Variants in CSMD1 observed in about 807,000 individuals in gnomAD.
The protein encoded by CSMD1 is CUB and Sushi multiple domains 1, also known as CUB and sushi domain-containing protein 1.
CSMD1 carries 213 observed loss-of-function variants against 417.5 expected under a neutral mutation model. The ratio of observed to expected loss-of-function variants is 0.51; its 90% CI spans 0.46 to 0.57. The LOEUF (loss-of-function observed/expected upper bound fraction) is 0.57. Among genes scored for constraint, CSMD1 ranks in the 20% least tolerant of loss-of-function variants. The pLI is 0.00. For missense variants in CSMD1, 6,923 were observed against 4,529.7 expected, an observed-to-expected ratio of 1.53 and a Z score of -15.17; for synonymous variants, 2,862 against 1,736.8, an observed-to-expected ratio of 1.65 and a Z score of -16.11.
chr8:3,402,926 A>C (rs548560243), intron 15 of CSMD1, among the ~76,000 whole-genome samples: 77 of 152,176 alleles, frequency 5.1e-4, no homozygotes, highest in African/African-American at 1.8e-3. Flanking sequence ...TTTTCCTTGA[A>C]ACACAGGTTT....
intron 1 of CSMD1, among the ~76,000 whole-genome samples, chr8:4,642,972 G>A (rs973795226): frequency 3.3e-5 from 5 of 152,236 alleles, no homozygotes; most frequent in African/African-American, 9.6e-5. Flanking sequence ...TTTGAGAAAT[G>A]ATGGACAGGA....
chr8:4,269,940 T>G (rs1804472817), intron 3 of CSMD1, among the ~76,000 whole-genome samples: 1 of 152,120 alleles, frequency 6.6e-6, no homozygotes, highest in Non-Finnish European at 1.5e-5. Flanking sequence ...AGCCAACAGT[T>G]GGGGGAAACC....
intron 1 of CSMD1, among the ~76,000 whole-genome samples, chr8:4,947,154 C>T (rs950749896): frequency 1.3e-5 from 2 of 152,202 alleles, no homozygotes; most frequent in East Asian, 1.9e-4. Context: ...AACACAAATT[C>T]ACAACAAAAT....
intron 2 of CSMD1, among the ~76,000 whole-genome samples, chr8:4,478,064 A>T (rs1800897236): frequency 6.6e-6 from 1 of 152,140 alleles, no homozygotes; most frequent in Non-Finnish European, 1.5e-5. Flanking sequence ...CCCGAGTTAA[A>T]ACTGATTTTA....
intron 3 of CSMD1, among the ~76,000 whole-genome samples, chr8:4,316,365 C>T (rs10089891): frequency 0.68 from 103,610 of 151,980 alleles, 39,227 homozygotes; most frequent in East Asian, 0.98. Flanking sequence ...GTCTTATACT[C>T]TGGGCTGCCA....
intron 10 of CSMD1, among the ~76,000 whole-genome samples, chr8:3,556,330 C>T (rs761325099): frequency 6.8e-6 from 1 of 146,654 alleles, no homozygotes; most frequent in Non-Finnish European, 1.5e-5. Context: ...CTACTATGTC[C>T]ATGAGTTCAA....
intron 2 of CSMD1, among the ~76,000 whole-genome samples, chr8:4,450,733 G>C (rs1028897869): frequency 6.6e-6 from 1 of 152,162 alleles, no homozygotes. Context: ...ACATTTAACA[G>C]AATAGCAACA....
chr8:3,246,313 T>A (rs921890264), intron 26 of CSMD1, among the ~76,000 whole-genome samples: 4 of 152,064 alleles, frequency 2.6e-5, no homozygotes, highest in African/African-American at 9.7e-5. Flanking sequence ...GGCTACACGG[T>A]TCCCTGAAAT....
At chr8:4,451,900 T>C (rs1360805315) in intron 2 of CSMD1, among the ~76,000 whole-genome samples, 1 of 151,010 alleles carries the variant, frequency 6.6e-6, no homozygotes, top group Non-Finnish European at 1.5e-5. Context: ...TCTTCCACAC[T>C]AAAATGATAC....
chr8:3,975,907 G>C (rs1010636014), intron 5 of CSMD1, among the ~76,000 whole-genome samples: 3 of 152,002 alleles, frequency 2.0e-5, no homozygotes, highest in Admixed American at 1.3e-4. Flanking sequence ...ATGAGTGAAT[G>C]TATTAGTTTC....
At chr8:4,249,929 G>A (rs536224877) in intron 3 of CSMD1, among the ~76,000 whole-genome samples, 111 of 152,250 alleles carry the variant, frequency 7.3e-4, no homozygotes, top group African/African-American at 2.6e-3. Context: ...GAAGTGTTTA[G>A]GTTATGAGGG....
Position 3,411,984 on chromosome 8 carries a change from ATATATACGTG to A in CSMD1, c.1562-2389_1562-2380del, listed in dbSNP as rs1342810027. ...TATATATGCACGTATATATACACGT[ATATATACGTG>A]TATATACACGTATATATATACATAT... On this transcript the variant is annotated intron_variant, in intron 12 of 69. Coordinates refer to ENST00000635120, the MANE Select transcript of CSMD1 (RefSeq NM_033225.6). 1.1e-4 allele frequency among the ~76,000 whole-genome samples: 6 copies of A among 54,154 alleles called. 1 individual carries two copies. Among genetic ancestry groups the A allele is most frequent in the African/African-American group, 1.5e-4 (2 of 13,178 alleles). The allele number at this position is 54,154 out of a possible 152,430, so 35.5% of individuals were successfully genotyped here. A position where few individuals can be genotyped will look rare whatever the true frequency, so the allele number is the denominator to read the frequency against.
At chr8:4,133,651 C>G (rs1394736151) in intron 3 of CSMD1, among the ~76,000 whole-genome samples, 1 of 152,102 alleles carries the variant, frequency 6.6e-6, no homozygotes, top group Non-Finnish European at 1.5e-5. Context: ...ACTCTAAAAT[C>G]TCCATGTAAG....
At chr8:4,962,305 G>T (rs1245315552) in intron 1 of CSMD1, among the ~76,000 whole-genome samples, 2 of 151,932 alleles carry the variant, frequency 1.3e-5, no homozygotes, top group Non-Finnish European at 2.9e-5. Context: ...GGAACTCCTG[G>T]TCTCAAAAGA....
At chr8:4,211,377 G>C (rs1800301556) in intron 3 of CSMD1, among the ~76,000 whole-genome samples, 1 of 151,978 alleles carries the variant, frequency 6.6e-6, no homozygotes, top group Non-Finnish European at 1.5e-5. Flanking sequence ...TTGAAGTAAT[G>C]CAATTCATTT....
intron 21 of CSMD1, 51 bp downstream of exon 21, chr8:3,359,101 G>T: frequency 6.3e-7 from 1 of 1,582,422 alleles, no homozygotes; most frequent in South Asian, 1.1e-5. Flanking sequence ...TCTTGCCTGG[G>T]CTAGACCCTG....
At chr8:4,125,195 A>G (rs1230474998) in intron 3 of CSMD1, among the ~76,000 whole-genome samples, 3 of 152,082 alleles carry the variant, frequency 2.0e-5, no homozygotes, top group Non-Finnish European at 4.4e-5. Context: ...CAAAATTACT[A>G]AACTAAAGGG....
chr8:3,803,398 A>C (rs533404420), intron 5 of CSMD1, among the ~76,000 whole-genome samples: 8 of 152,318 alleles, frequency 5.3e-5, no homozygotes, highest in African/African-American at 1.9e-4. Context: ...GCTGGAGAGG[A>C]AACAGGTAGT....
At chr8:3,079,727 G>A (rs1344737802) in intron 49 of CSMD1, among the ~76,000 whole-genome samples, 3 of 152,116 alleles carry the variant, frequency 2.0e-5, no homozygotes, top group Non-Finnish European at 4.4e-5. Context: ...TGTTTCGGGG[G>A]TGAATGCAGG....
Sources: gnomAD v4.1 joint callset for allele counts (sites outside exome capture counted in the v4.1 genomes callset) on GRCh38, gnomAD v4.1.1 for gene constraint, MANE v1.5 for transcripts, NCBI Gene and HGNC (gene_info 2026-07-23, HGNC 2026-07-21) for gene names.